Variants in DLGAP2 observed in about 807,000 individuals in gnomAD.
DLGAP2 encodes the protein DLG associated protein 2.
Under a neutral mutation model 100.3 loss-of-function variants are expected in DLGAP2, and 26 were observed. That is an observed-to-expected ratio of 0.26 (90% CI 0.19 to 0.36). DLGAP2 has a LOEUF of 0.36. Ranked by LOEUF, DLGAP2 falls within the 10% of genes least tolerant of loss-of-function variation. The pLI, the probability that DLGAP2 is intolerant of heterozygous loss-of-function variation, is 1.00. For missense variants in DLGAP2, 1,858 were observed against 1,453.2 expected (o/e 1.28, Z -4.53); for synonymous variants, 886 against 630.1 (o/e 1.41, Z -6.08).
intron 10 of DLGAP2, among the ~76,000 whole-genome samples, chr8:1,670,885 A>G (rs971965124): frequency 2.0e-5 from 3 of 152,230 alleles, no homozygotes; most frequent in African/African-American, 7.2e-5. Context: ...AATCGAGCAG[A>G]TGAAAGACGG....
intron 3 of DLGAP2, among the ~76,000 whole-genome samples, chr8:1,288,054 GGTTCT>G (rs1799980713): frequency 1.6e-5 from 2 of 124,536 alleles, no homozygotes; most frequent in Non-Finnish European, 3.3e-5. Flanking sequence ...GTGTGTGTAT[GGTTCT>G]GTTAGGAGGG....
chr8:1,646,394 T>C (rs2130803024), intron 8 of DLGAP2, among the ~76,000 whole-genome samples: 1 of 152,320 alleles, frequency 6.6e-6, no homozygotes, highest in African/African-American at 2.4e-5. Context: ...ATTGTCTGTC[T>C]CTTCCTTACC....
chr8:1,501,813 A>C (rs61041899), intron 4 of DLGAP2, among the ~76,000 whole-genome samples: 2 of 152,106 alleles, frequency 1.3e-5, no homozygotes, highest in Admixed American at 1.3e-4. Flanking sequence ...GAAGCAGCTC[A>C]TCTCTCCAGC....
intron 3 of DLGAP2, among the ~76,000 whole-genome samples, chr8:1,475,366 C>T (rs1798902403): frequency 6.6e-6 from 1 of 152,118 alleles, no homozygotes; most frequent in Non-Finnish European, 1.5e-5. Flanking sequence ...GTAACTCTAA[C>T]AGCATCTACT....
At chr8:1,499,423 C>G (rs1395325112) in intron 3 of DLGAP2, among the ~76,000 whole-genome samples, 1 of 152,210 alleles carries the variant, frequency 6.6e-6, no homozygotes, top group Admixed American at 6.5e-5. Context: ...CTTTCTCACA[C>G]AGCTGGACGC....
chr8:1,123,086 A>G (rs1046346238), intron 2 of DLGAP2, among the ~76,000 whole-genome samples: 9 of 152,242 alleles, frequency 5.9e-5, no homozygotes, highest in African/African-American at 2.2e-4. Flanking sequence ...TAACTATGCA[A>G]ATCTTTCTGT....
intron 1 of DLGAP2, among the ~76,000 whole-genome samples, chr8:810,303 T>A (rs767493390): frequency 2.4e-4 from 37 of 152,368 alleles, no homozygotes; most frequent in Non-Finnish European, 3.5e-4. Flanking sequence ...CATTTTGTAC[T>A]GAAATGCTGC....
intron 2 of DLGAP2, among the ~76,000 whole-genome samples, chr8:1,046,768 G>T (rs762207839): frequency 6.6e-6 from 1 of 152,090 alleles, no homozygotes; most frequent in Non-Finnish European, 1.5e-5. Context: ...GATTAACAGA[G>T]ATGCTTGTGG....
rs78093541 is a variant in DLGAP2, at chr8:1,081,635, C to T, written c.73+173669C>T. 9.7e-3 allele frequency among the ~76,000 whole-genome samples: 1,475 copies of T among 152,254 alleles called. 14 individuals carry two copies. Among genetic ancestry groups the T allele is most frequent in the Non-Finnish European group, 0.016 (1,057 of 68,006 alleles). ...CAAAGTGCATGGATTACAGGCGTGA[C>T]CCCCACGCCTGGCTAGTTTTGAGAA... is the stretch of plus-strand genomic sequence containing the variant. On this transcript the variant is annotated intron_variant, in intron 2 of 14. Transcript: ENST00000637795.
intron 2 of DLGAP2, among the ~76,000 whole-genome samples, chr8:1,195,828 C>T (rs1797738505): frequency 6.6e-6 from 1 of 152,206 alleles, no homozygotes; most frequent in Non-Finnish European, 1.5e-5. Context: ...CGAGGCCTTG[C>T]AGCGGTAGAT....
intron 6 of DLGAP2, among the ~76,000 whole-genome samples, chr8:1,604,008 A>G (rs1358087788): frequency 2.0e-5 from 3 of 152,152 alleles, no homozygotes; most frequent in Admixed American, 2.0e-4. Context: ...CCTCAAGTCA[A>G]GCCAGCTGCG....
At chr8:1,362,494 C>T (rs1585300523) in intron 3 of DLGAP2, among the ~76,000 whole-genome samples, 1 of 152,236 alleles carries the variant, frequency 6.6e-6, no homozygotes, top group Middle Eastern at 3.4e-3. Flanking sequence ...CGTCAGTGTC[C>T]TCATTTCCCC....
intron 12 of DLGAP2, among the ~76,000 whole-genome samples, chr8:1,690,770 A>G (rs1166780579): frequency 1.3e-5 from 2 of 151,840 alleles, no homozygotes; most frequent in African/African-American, 4.8e-5. Flanking sequence ...GCAATTAGGA[A>G]CCATTTGTAG....
chr8:759,078 C>G (rs1174555736), intron 1 of DLGAP2, among the ~76,000 whole-genome samples: 6 of 72,486 alleles, frequency 8.3e-5, no homozygotes, highest in East Asian at 4.7e-4. Context: ...ATCAATACCC[C>G]CCACAGCCTT....
At chr8:997,448 A>G (rs1202030623) in intron 2 of DLGAP2, among the ~76,000 whole-genome samples, 3 of 152,242 alleles carry the variant, frequency 2.0e-5, no homozygotes, top group Non-Finnish European at 4.4e-5. Flanking sequence ...AACTACAGAG[A>G]AGACAACAAC....
intron 1 of DLGAP2, among the ~76,000 whole-genome samples, chr8:786,180 C>G (rs1268192282): frequency 1.3e-5 from 2 of 152,172 alleles, no homozygotes; most frequent in Non-Finnish European, 2.9e-5. Flanking sequence ...GCGTCCTTGC[C>G]CCTCTTCAGT....
At chr8:1,533,786 G>A (rs1280368268) in intron 4 of DLGAP2, among the ~76,000 whole-genome samples, 5 of 151,990 alleles carry the variant, frequency 3.3e-5, no homozygotes, top group African/African-American at 1.2e-4. Flanking sequence ...GAGAGACCCT[G>A]TCTCTACAAA....
chr8:1,442,071 C>G (rs1202068803), intron 3 of DLGAP2, among the ~76,000 whole-genome samples: 1 of 152,186 alleles, frequency 6.6e-6, no homozygotes, highest in Non-Finnish European at 1.5e-5. Flanking sequence ...TTACTAAACT[C>G]AGGAGCAACA....
chr8:1,098,745 TCCCGGCCGCC>T (rs1181637703), intron 2 of DLGAP2, among the ~76,000 whole-genome samples: 4 of 127,626 alleles, frequency 3.1e-5, no homozygotes, highest in Non-Finnish European at 7.0e-5. Flanking sequence ...CACGCCAGGC[TCCCGGCCGCC>T]CACGGGCGCC....
Sources: allele counts gnomAD v4.1 joint callset (sites outside exome capture counted in the v4.1 genomes callset), GRCh38; gene constraint gnomAD v4.1.1; transcripts MANE v1.5; gene names NCBI Gene and HGNC (gene_info 2026-07-23, HGNC 2026-07-21).